STK32C: variants seen among roughly 807,000 people sequenced by gnomAD.
STK32C encodes the protein serine/threonine-protein kinase 32C.
A neutral mutation model predicts 56.5 loss-of-function variants in STK32C; 31 were observed. That is an observed-to-expected ratio of 0.55 (90% CI 0.41 to 0.74). The LOEUF is 0.74. Among genes scored for constraint, STK32C ranks in the 30% least tolerant of loss-of-function variants. The pLI is 0.00. For missense variants in STK32C, 544 were observed against 676.9 expected, an observed-to-expected ratio of 0.80 and a Z score of 2.18; for synonymous variants, 309 against 289.4, an observed-to-expected ratio of 1.07 and a Z score of -0.69.
chr10:132,241,156 G>A (rs11146263), intron 2 of STK32C, among the ~76,000 whole-genome samples: 30,131 of 152,154 alleles, frequency 0.2, 3,513 homozygotes, highest in Non-Finnish European at 0.28. Flanking sequence ...AGCCAAACCC[G>A]ACCCTCCACC....
At chr10:132,258,112 C>T (rs138135456) in intron 1 of STK32C, among the ~76,000 whole-genome samples, 29 of 152,338 alleles carry the variant, frequency 1.9e-4, no homozygotes, top group Middle Eastern at 3.4e-3. Flanking sequence ...AGGACCTCCC[C>T]GGGAGCAACA....
At chr10:132,218,446 C>A (rs1484996842) in intron 10 of STK32C, among the ~76,000 whole-genome samples, 3 of 152,088 alleles carry the variant, frequency 2.0e-5, no homozygotes, top group African/African-American at 7.2e-5. Flanking sequence ...TGATAAAACA[C>A]CTCAAAAGAT....
At chr10:132,283,488 T>G (rs1246154973) in intron 1 of STK32C, among the ~76,000 whole-genome samples, 2 of 152,120 alleles carry the variant, frequency 1.3e-5, no homozygotes, top group Non-Finnish European at 2.9e-5. Flanking sequence ...GGGACCAGGC[T>G]CCCAGACAGA....
chr10:132,297,553 T>A (rs2065790282), intron 1 of STK32C, among the ~76,000 whole-genome samples: 1 of 152,272 alleles, frequency 6.6e-6, no homozygotes, highest in Non-Finnish European at 1.5e-5. Context: ...TCCTATTTCA[T>A]CTTTTTCCCT....
upstream of STK32C, among the ~76,000 whole-genome samples, chr10:132,312,870 C>T (rs2066246424): frequency 6.6e-6 from 1 of 152,048 alleles, no homozygotes; most frequent in African/African-American, 2.4e-5. Flanking sequence ...CAAAACTCTA[C>T]CTCTACTAAA....
At chr10:132,321,439 A>G (rs2066406063), downstream of STK32C, among the ~76,000 whole-genome samples, 1 of 152,170 alleles carries the variant, frequency 6.6e-6, no homozygotes, top group African/African-American at 2.4e-5. Context: ...GCCTGCTGGG[A>G]CAATGTCTAA....
intron 8 of STK32C, 31 bp from the exon 9 acceptor site, chr10:132,223,017 G>T: frequency 6.5e-7 from 1 of 1,539,308 alleles, no homozygotes; most frequent in South Asian, 1.2e-5. Context: ...GAGGGTCCAG[G>T]GCCCACAGCC....
At chr10:132,217,297 G>A (rs2062502787) in intron 10 of STK32C, among the ~76,000 whole-genome samples, 1 of 152,162 alleles carries the variant, frequency 6.6e-6, no homozygotes. Flanking sequence ...ACTTGCATGG[G>A]GCCTGTAGCC....
At chr10:132,293,032 AAGAGGCTGACCC>A (rs2065618231) in intron 1 of STK32C, among the ~76,000 whole-genome samples, 1 of 152,252 alleles carries the variant, frequency 6.6e-6, no homozygotes, top group South Asian at 2.1e-4. Flanking sequence ...CGTGCAGGGC[AAGAGGCTGACCC>A]AGAGGTGAGC....
At chr10:132,301,839 G>A (rs956866051) in intron 1 of STK32C, among the ~76,000 whole-genome samples, 4 of 152,232 alleles carry the variant, frequency 2.6e-5, no homozygotes, top group Non-Finnish European at 5.9e-5. Flanking sequence ...GGTACAGAGG[G>A]TTAGAGATCC....
At chr10:132,282,901 G>A (rs563268181) in intron 1 of STK32C, among the ~76,000 whole-genome samples, 1 of 152,368 alleles carries the variant, frequency 6.6e-6, no homozygotes, top group Admixed American at 6.5e-5. Flanking sequence ...TGGTCAGGAG[G>A]CGGTGGGGGG....
intron 2 of STK32C, among the ~76,000 whole-genome samples, chr10:132,241,570 T>C (rs67798854): frequency 0.47 from 71,191 of 152,024 alleles, 17,314 homozygotes; most frequent in East Asian, 0.75. Context: ...GTAACTCCTA[T>C]CCAAATCCCA....
intron 1 of STK32C, among the ~76,000 whole-genome samples, chr10:132,266,949 C>G (rs910990786): frequency 6.6e-6 from 1 of 152,104 alleles, no homozygotes; most frequent in South Asian, 2.1e-4. Flanking sequence ...CGGACGAGGC[C>G]GCAGAGGAAC....
intron 11 of STK32C, among the ~76,000 whole-genome samples, chr10:132,208,819 T>C (rs2062191433): frequency 6.6e-6 from 1 of 152,012 alleles, no homozygotes; most frequent in Non-Finnish European, 1.5e-5. Context: ...CCCAGAAGAT[T>C]CCAGCCACGG....
intron 1 of STK32C, among the ~76,000 whole-genome samples, chr10:132,260,172 G>A (rs748107000): frequency 1.3e-5 from 2 of 152,174 alleles, no homozygotes; most frequent in African/African-American, 4.8e-5. Flanking sequence ...TGTTCAGGTT[G>A]AGGAGACACT....
intron 3 of STK32C, among the ~76,000 whole-genome samples, chr10:132,227,222 G>C (rs1241117633): frequency 6.6e-6 from 1 of 152,264 alleles, no homozygotes; most frequent in African/African-American, 2.4e-5. Context: ...ACCTGGGAGT[G>C]GCAAATGCAG....
intron 1 of STK32C, among the ~76,000 whole-genome samples, chr10:132,317,582 A>T (rs530194952): frequency 6.6e-6 from 1 of 152,312 alleles, no homozygotes; most frequent in Admixed American, 6.5e-5. Context: ...AAAAATTTTT[A>T]AAAATTCACA....
chr10:132,243,827 C>T (rs538790021), intron 2 of STK32C, among the ~76,000 whole-genome samples: 4 of 152,174 alleles, frequency 2.6e-5, no homozygotes, highest in South Asian at 2.1e-4. Flanking sequence ...CCGCCCTGAA[C>T]GGGTGGGCTC....
intron 1 of STK32C, among the ~76,000 whole-genome samples, chr10:132,297,336 C>T (rs1393779891): frequency 6.6e-6 from 1 of 152,080 alleles, no homozygotes; most frequent in African/African-American, 2.4e-5. Flanking sequence ...GCCAGCAGAC[C>T]CCGAAGATCC....
Sources: gnomAD v4.1 joint callset for allele counts (sites outside exome capture counted in the v4.1 genomes callset) on GRCh38, gnomAD v4.1.1 for gene constraint, MANE v1.5 for transcripts, NCBI Gene and HGNC (gene_info 2026-07-23, HGNC 2026-07-21) for gene names.